FBXL20: variants seen among roughly 807,000 people sequenced by gnomAD.
FBXL20 encodes the protein F-box and leucine rich repeat protein 20, also known as F-box/LRR-repeat protein 20.
In FBXL20, 11 loss-of-function variants were observed where a neutral mutation model predicts 64.0. That is an observed-to-expected ratio of 0.17 (90% CI 0.11 to 0.28). FBXL20 has a LOEUF of 0.28. Among genes scored for constraint, FBXL20 ranks in the 10% least tolerant of loss-of-function variants. The pLI is 1.00. For missense variants in FBXL20, 303 were observed against 526.2 expected (o/e 0.58, Z 4.15); for synonymous variants, 184 against 189.0 (o/e 0.97, Z 0.22).
intron 1 of FBXL20, among the ~76,000 whole-genome samples, chr17:39,392,744 G>A (rs576883415): frequency 2.6e-5 from 4 of 152,180 alleles, no homozygotes; most frequent in South Asian, 2.1e-4. Flanking sequence ...TGGGCGAGGC[G>A]GCTCACCCCT....
At chr17:39,360,381 G>A (rs1054537633) in intron 1 of FBXL20, among the ~76,000 whole-genome samples, 2 of 152,050 alleles carry the variant, frequency 1.3e-5, no homozygotes, top group Admixed American at 1.3e-4. Context: ...ATTGCTTTAC[G>A]TGGTACATCT....
chr17:39,337,719 C>T (rs12823557), intron 2 of FBXL20, among the ~76,000 whole-genome samples: 5 of 151,910 alleles, frequency 3.3e-5, no homozygotes, highest in South Asian at 2.1e-4. Flanking sequence ...GCAGTTGCCC[C>T]GTCTGAGAAG....
chr17:39,360,368 G>A (rs762516765), intron 1 of FBXL20, among the ~76,000 whole-genome samples: 1 of 152,086 alleles, frequency 6.6e-6, no homozygotes, highest in Non-Finnish European at 1.5e-5. Flanking sequence ...CTGTACACTT[G>A]AAATTGCTTT....
At chr17:39,314,618 C>T (rs2047267302) in intron 2 of FBXL20, among the ~76,000 whole-genome samples, 1 of 152,020 alleles carries the variant, frequency 6.6e-6, no homozygotes, top group Non-Finnish European at 1.5e-5. Flanking sequence ...GCCTCGGCCT[C>T]CCAAAGTGCT....
At chr17:39,302,762 G>C (rs891798468) in intron 3 of FBXL20, among the ~76,000 whole-genome samples, 5 of 152,038 alleles carry the variant, frequency 3.3e-5, no homozygotes, top group Non-Finnish European at 7.4e-5. Flanking sequence ...CTCCCATCTT[G>C]GCCTCCCAAA....
In FBXL20 at chr17:39,299,061, T is replaced by C; in HGVS notation, c.258A>G (p.Ser86=). The change falls in exon 5 of 15, where the codon TCA becomes TCG. Residue 86 remains serine (S), a synonymous_variant. Transcript: ENST00000264658. ...DIEGRVVENI[S]KRCGGFLRKL... ...TTCGTAAAAAGCCCCCACATCGTTT[T>C]GAAATATTCTCCACTACTCGGCCCT... 1.2e-6 allele frequency: 2 copies of C among 1,613,836 alleles called. No individual in the cohort carries two copies. The highest frequency in any genetic ancestry group is 1.7e-6 in the Non-Finnish European group (2 of 1,179,868).
chr17:39,306,620 C>T (rs746897198), intron 2 of FBXL20, among the ~76,000 whole-genome samples: 6 of 152,122 alleles, frequency 3.9e-5, no homozygotes, highest in Non-Finnish European at 7.3e-5. Flanking sequence ...TCTATGTCTG[C>T]TTTATGCCAG....
At chr17:39,268,449 G>A (rs1002073366) in intron 12 of FBXL20, among the ~76,000 whole-genome samples, 9 of 152,146 alleles carry the variant, frequency 5.9e-5, no homozygotes, top group Middle Eastern at 3.2e-3. Flanking sequence ...GGTCTCCAGG[G>A]CTAACGATGC....
intron 1 of FBXL20, among the ~76,000 whole-genome samples, chr17:39,396,321 T>A (rs553985000): frequency 6.6e-6 from 1 of 151,986 alleles, no homozygotes; most frequent in South Asian, 2.1e-4. Context: ...CCAGGCCGGG[T>A]GTCGTGGCTC....
rs138100680 is a variant in FBXL20 at position 39,282,719 on chromosome 17, G to A, written c.621+10C>T. On this transcript the variant is annotated intron_variant, in intron 8 of 14. Transcript: ENST00000264658. ...CTTCCGAATTTCACGAGCCCTACAT[G>A]GAGTATTACCTGCGTGCAGCCTTTT... The A allele has an allele frequency of 6.2e-7, 1 of 1,613,960 alleles. No individual in the cohort carries two copies. Among genetic ancestry groups the A allele is most frequent in the African/African-American group, 1.3e-5 (1 of 74,918 alleles).
upstream of FBXL20, chr17:39,401,662 C>G: frequency 3.0e-6 from 4 of 1,336,354 alleles, no homozygotes; most frequent in Non-Finnish European, 3.8e-6. Context: ...AAAACACTCC[C>G]CACCTGCCAG....
At position 39,258,861 on chromosome 17, in the gene FBXL20, T is replaced by A. The variant is rs2046719311; in HGVS notation, c.*2599A>T. 1 of 152,194 alleles carries A rather than the reference T, an allele frequency of 6.6e-6. No homozygotes were observed. The highest frequency in any genetic ancestry group is 2.1e-4 in the South Asian group (1 of 4,832). The allele number at this position is 152,194 out of a possible 1,614,324, so 9.4% of individuals were successfully genotyped here. On this transcript the variant is annotated 3_prime_UTR_variant, in exon 15 of 15. Transcript: ENST00000264658. ...ATATTATTAACCACATCTGGAAGTA[T>A]GTGTGTATGCACGTATGTATTTTTA...
chr17:39,321,435 C>T (rs1359323092), intron 2 of FBXL20, among the ~76,000 whole-genome samples: 2 of 145,022 alleles, frequency 1.4e-5, no homozygotes, highest in Non-Finnish European at 3.0e-5. Context: ...CATTGCACTC[C>T]AGCCTGGCAA....
chr17:39,328,212 G>A (rs928819407), intron 2 of FBXL20, among the ~76,000 whole-genome samples: 1 of 123,648 alleles, frequency 8.1e-6, no homozygotes, highest in Admixed American at 9.7e-5. Context: ...CACGCCAACT[G>A]CACTCCAGCC....
rs564077323 is a variant in FBXL20, at chr17:39,272,275, A to G, written c.828-1419T>C. ...GTGGTGGGCACGTGTAGTCCCAGCT[A>G]TCTGAGAGGTTGAGGCAGGACAATC... On this transcript the variant is annotated intron_variant, in intron 10 of 14. Coordinates refer to ENST00000264658, the MANE Select transcript of FBXL20 (RefSeq NM_032875.3). Among the ~76,000 whole-genome samples, 175 of 151,870 alleles carry G rather than the reference A, an allele frequency of 1.2e-3. 1 individual carries two copies. Among genetic ancestry groups the G allele is most frequent in the Non-Finnish European group, 2.2e-3 (147 of 67,972 alleles).
At chr17:39,267,687 A>G (rs1371353765) in intron 12 of FBXL20, among the ~76,000 whole-genome samples, 1 of 152,150 alleles carries the variant, frequency 6.6e-6, no homozygotes, top group Non-Finnish European at 1.5e-5. Context: ...GTAAATCAGC[A>G]CTTCTTTTCA....
chr17:39,340,355 A>C (rs573861273), intron 2 of FBXL20, among the ~76,000 whole-genome samples: 54 of 152,038 alleles, frequency 3.6e-4, no homozygotes, highest in Middle Eastern at 6.8e-3. Flanking sequence ...TCGGCCTCCC[A>C]AAGTGCTAGG....
At chr17:39,332,535 T>C (rs145261232) in intron 2 of FBXL20, among the ~76,000 whole-genome samples, 39 of 127,038 alleles carry the variant, frequency 3.1e-4, no homozygotes, top group African/African-American at 1.2e-3. Context: ...TTTCTTTGTA[T>C]CTTTTTTTTT....
chr17:39,301,829 G>T (rs932942963), intron 3 of FBXL20, among the ~76,000 whole-genome samples: 1 of 152,056 alleles, frequency 6.6e-6, no homozygotes, highest in Non-Finnish European at 1.5e-5. Context: ...GGTAAGGGCT[G>T]CAGTGAGCCA....
Sources: gnomAD v4.1 joint callset for allele counts (sites outside exome capture counted in the v4.1 genomes callset) on GRCh38, gnomAD v4.1.1 for gene constraint, MANE v1.5 for transcripts, NCBI Gene and HGNC (gene_info 2026-07-23, HGNC 2026-07-21) for gene names.